ITPRID1: variants seen among roughly 807,000 people sequenced by gnomAD.
The protein encoded by ITPRID1 is ITPR interacting domain containing 1, also known as protein ITPRID1.
A neutral mutation model predicts 95.4 loss-of-function variants in ITPRID1; 96 were observed. The ratio of observed to expected loss-of-function variants is 1.01; its 90% CI spans 0.85 to 1.19. ITPRID1 has a LOEUF of 1.19. Ranked by LOEUF, ITPRID1 falls within the 50% of genes most tolerant of loss-of-function variation. The pLI is 0.00. For missense variants in ITPRID1, 1,339 were observed against 1,252.9 expected, an observed-to-expected ratio of 1.07 and a Z score of -1.04; for synonymous variants, 510 against 453.6, an observed-to-expected ratio of 1.12 and a Z score of -1.58.
intron 8 of ITPRID1, among the ~76,000 whole-genome samples, chr7:31,576,971 C>T (rs541546774): frequency 1.1e-3 from 160 of 151,558 alleles, no homozygotes; most frequent in African/African-American, 3.8e-3. Flanking sequence ...GCCCTTGCTG[C>T]ATTAGGTCTC....
At chr7:31,633,710 C>T (rs1426939563) in intron 10 of ITPRID1, among the ~76,000 whole-genome samples, 5 of 152,202 alleles carry the variant, frequency 3.3e-5, no homozygotes, top group Non-Finnish European at 7.3e-5. Flanking sequence ...GACTCAGCTT[C>T]ACCACAGAGC....
At chr7:31,603,732 C>T (rs899066406) in intron 10 of ITPRID1, among the ~76,000 whole-genome samples, 3 of 152,140 alleles carry the variant, frequency 2.0e-5, no homozygotes, top group Non-Finnish European at 1.5e-5. Flanking sequence ...ACCTTACTTC[C>T]TCTCCCACAG....
intron 10 of ITPRID1, among the ~76,000 whole-genome samples, chr7:31,598,932 T>C (rs919584423): frequency 1.3e-5 from 2 of 152,186 alleles, no homozygotes; most frequent in Non-Finnish European, 2.9e-5. Flanking sequence ...GGTGAGGCTA[T>C]GGAAAATGGC....
rs1562650493 is a variant in ITPRID1 at position 31,643,167 on chromosome 7, AC to A, written c.1799del (p.Pro600LeufsTer78). On this transcript the variant is annotated frameshift_variant, in exon 12 of 15. Coordinates refer to ENST00000615280, the MANE Select transcript of ITPRID1 (RefSeq NM_001257967.3). LOFTEE classifies it high-confidence loss of function. ...GCCACCACAATGAGTCTCAAAGGTCACCTGGAAATGATCATACTCAAGACAA... is the reference window on the plus strand; with the variant it reads ...GCCACCACAATGAGTCTCAAAGGTCACTGGAAATGATCATACTCAAGACAA... ...QSHHNESQRS[P>X]GNDHTQDKFL... The A allele has an allele frequency of 6.2e-7, 1 of 1,613,998 alleles. No homozygotes were observed. Among genetic ancestry groups the A allele is most frequent in the South Asian group, 1.1e-5 (1 of 91,086 alleles).
At chr7:31,590,596 T>TAAAG (rs200307566) in intron 10 of ITPRID1, among the ~76,000 whole-genome samples, 3,231 of 152,234 alleles carry the variant, frequency 0.021, 110 homozygotes, top group African/African-American at 0.072. Context: ...ATCATGAATA[T>TAAAG]AAAGAGCGGA....
rs963437491 is a variant in ITPRID1 at position 31,654,688 on chromosome 7, G to A, written c.*1859G>A. Among the ~76,000 whole-genome samples the A allele has an allele frequency of 6.6e-6, 1 of 152,130 alleles. No homozygotes were observed. The highest frequency in any genetic ancestry group is 1.5e-5 in the Non-Finnish European group (1 of 68,016). ...ATGGCACACAAAGGCCAGAGGCACT[G>A]GGTCTCTAAGGAATGGGGAATAGAT... On this transcript the variant is annotated 3_prime_UTR_variant, in exon 15 of 15. Transcript: ENST00000615280.
chr7:31,525,145 G>A (rs765947286), intron 1 of ITPRID1, among the ~76,000 whole-genome samples: 47 of 152,136 alleles, frequency 3.1e-4, no homozygotes, highest in Non-Finnish European at 3.1e-4. Context: ...TTCTGTGAAG[G>A]AAGCATCTGT....
chr7:31,600,537 T>A (rs148993670), intron 10 of ITPRID1, among the ~76,000 whole-genome samples: 44 of 152,296 alleles, frequency 2.9e-4, no homozygotes, highest in Admixed American at 7.8e-4. Flanking sequence ...TGTATGCTCC[T>A]ACAGAAAAAG....
intron 10 of ITPRID1, among the ~76,000 whole-genome samples, chr7:31,597,964 C>A (rs757034906): frequency 6.6e-6 from 1 of 152,062 alleles, no homozygotes; most frequent in East Asian, 1.9e-4. Flanking sequence ...GAAGTAGACT[C>A]CCTGATATAA....
intron 7 of ITPRID1, 141 bp from the exon 8 acceptor site, chr7:31,574,399 G>A: frequency 1.4e-6 from 1 of 716,926 alleles, no homozygotes; most frequent in East Asian, 2.5e-5. Flanking sequence ...AAGTATATAG[G>A]AACGCTAGTG....
chr7:31,554,195 A>G (rs765758525), intron 3 of ITPRID1, among the ~76,000 whole-genome samples: 2 of 152,128 alleles, frequency 1.3e-5, no homozygotes, highest in East Asian at 1.9e-4. Context: ...TTATTCTAAC[A>G]TCTCTCGTTC....
At chr7:31,544,275 T>A (rs1215281988) in intron 1 of ITPRID1, among the ~76,000 whole-genome samples, 1 of 152,118 alleles carries the variant, frequency 6.6e-6, no homozygotes, top group East Asian at 1.9e-4. Flanking sequence ...TTTTTAAAGA[T>A]AATAGAAAAG....
At chr7:31,625,106 T>G (rs545450459) in intron 10 of ITPRID1, among the ~76,000 whole-genome samples, 17 of 152,218 alleles carry the variant, frequency 1.1e-4, no homozygotes, top group African/African-American at 4.1e-4. Flanking sequence ...TGGCAATCAT[T>G]AAGAAGTCGG....
intron 1 of ITPRID1, among the ~76,000 whole-genome samples, chr7:31,519,618 C>CTATATATATATATATATA (rs1436134437): frequency 9.5e-5 from 3 of 31,694 alleles, no homozygotes; most frequent in African/African-American, 2.2e-4. Flanking sequence ...CTCTCTCTCT[C>CTATATATATATATATATA]TCTATATATA....
chr7:31,570,878 G>A (rs1784962037), intron 6 of ITPRID1, among the ~76,000 whole-genome samples: 1 of 152,088 alleles, frequency 6.6e-6, no homozygotes, highest in African/African-American at 2.4e-5. Flanking sequence ...CTGAGGTGGG[G>A]CAATAAGTGA....
chr7:31,588,631 C>CAAAAAAAAAAA (rs57245935), intron 10 of ITPRID1, among the ~76,000 whole-genome samples: 2 of 42,552 alleles, frequency 4.7e-5, no homozygotes, highest in African/African-American at 9.5e-5. Context: ...TACTCTGTCT[C>CAAAAAAAAAAA]AAAAAAAAAA....
Position 31,654,106 on chromosome 7 carries a change from C to T in ITPRID1, c.*1277C>T. On this transcript the variant is annotated 3_prime_UTR_variant, in exon 15 of 15. Coordinates refer to ENST00000615280, the MANE Select transcript of ITPRID1 (RefSeq NM_001257967.3). The stretch of plus-strand genomic sequence containing the variant: ...CAAATAATTACAATCCTGAAAAGAG[C>T]CTCAGAAGACAGTGTGATAATGTTG... 6.6e-6 allele frequency among the ~76,000 whole-genome samples: 1 copy of T among 150,658 alleles called. No individual in the cohort carries two copies. The highest frequency in any genetic ancestry group is 1.9e-4 in the East Asian group (1 of 5,144).
intron 1 of ITPRID1, among the ~76,000 whole-genome samples, chr7:31,538,881 T>G (rs1439419484): frequency 6.6e-6 from 1 of 152,238 alleles, no homozygotes; most frequent in East Asian, 1.9e-4. Context: ...GATATCCTAT[T>G]CCTCATTGGA....
chr7:31,643,715 C>T lies in ITPRID1; in HGVS notation c.2345C>T (p.Ser782Phe). ...CATGGGCCCCAGCCCCTCACCAAAT[C>T]CGTCTCTCTAGACTCAGGCTTCTCT... Reference protein sequence around the residue: ...LTHGPQPLTKSVSLDSGFSSI... With the variant: ...LTHGPQPLTKFVSLDSGFSSI... Residue 782 changes from serine to phenylalanine, a missense_variant, in exon 12 of 15, where the codon TCC (serine) becomes TTC (phenylalanine). Physicochemically the swap from Ser to Phe is radical, Grantham distance 155. Coordinates refer to ENST00000615280, the MANE Select transcript of ITPRID1 (RefSeq NM_001257967.3). 1 of 1,614,064 alleles carries T rather than the reference C, an allele frequency of 6.2e-7. No individual in the cohort carries two copies. Among genetic ancestry groups the T allele is most frequent in the Non-Finnish European group, 8.5e-7 (1 of 1,179,904 alleles).
Sources: gnomAD v4.1 joint callset for allele counts (sites outside exome capture counted in the v4.1 genomes callset) on GRCh38, gnomAD v4.1.1 for gene constraint, MANE v1.5 for transcripts, NCBI Gene and HGNC (gene_info 2026-07-23, HGNC 2026-07-21) for gene names.